NPLOC4: variants seen among roughly 807,000 people sequenced by gnomAD.
NPLOC4 encodes nuclear protein localization protein 4 homolog.
A neutral mutation model predicts 80.6 loss-of-function variants in NPLOC4; 18 were observed. The observed-to-expected ratio is 0.22, with a 90% CI of 0.15 to 0.33. The LOEUF is 0.33. Among genes scored for constraint, NPLOC4 ranks in the 10% least tolerant of loss-of-function variants. The probability of loss-of-function intolerance (pLI) is 1.00; values close to 1 mark genes in which losing one functional copy is unlikely to be tolerated. For missense variants in NPLOC4, 540 were observed against 786.1 expected (o/e 0.69, Z 3.74); for synonymous variants, 313 against 301.5 (o/e 1.04, Z -0.39).
At chr17:81,611,877 G>A (rs1418622541) in intron 4 of NPLOC4, among the ~76,000 whole-genome samples, 5 of 150,876 alleles carry the variant, frequency 3.3e-5, no homozygotes, top group East Asian at 2.0e-4. Context: ...GGAGAATGGC[G>A]TGAACCGGGG....
At chr17:81,595,428 A>G (rs1203292521) in intron 11 of NPLOC4, among the ~76,000 whole-genome samples, 1 of 96,300 alleles carries the variant, frequency 1.0e-5, no homozygotes, top group African/African-American at 4.5e-5. Flanking sequence ...TAAGACTGTC[A>G]AAAAAAAAAA....
chr17:81,559,101 T>G lies in NPLOC4; in HGVS notation c.*158A>C, dbSNP rs1310723514. 3.8e-6 allele frequency: 3 copies of G among 784,858 alleles called. No homozygotes were observed. The highest frequency in any genetic ancestry group is 5.9e-6 in the Non-Finnish European group (3 of 508,796). The allele number at this position is 784,858 out of a possible 1,614,324, so 48.6% of individuals were successfully genotyped here. ...GCCCGCTCTCCAGGGAGGAACGTGC[T>G]GAGAAGCTTCAGTGGGTCAGGGAGC... is the stretch of plus-strand genomic sequence containing the variant. On this transcript the variant is annotated 3_prime_UTR_variant, in exon 17 of 17. Transcript: ENST00000331134.
At chr17:81,579,332 C>T (rs1481440142) in intron 12 of NPLOC4, among the ~76,000 whole-genome samples, 3 of 152,182 alleles carry the variant, frequency 2.0e-5, no homozygotes, top group Non-Finnish European at 4.4e-5. Context: ...GAGCCAAGAT[C>T]GTGCCATTGC....
chr17:81,619,018 G>C (rs2035587424), intron 3 of NPLOC4, among the ~76,000 whole-genome samples: 1 of 151,976 alleles, frequency 6.6e-6, no homozygotes, highest in Admixed American at 6.6e-5. Flanking sequence ...TGCTGGTTAA[G>C]AGTCATCACC....
At chr17:81,635,794 T>C (rs6565612) in intron 1 of NPLOC4, among the ~76,000 whole-genome samples, 69,477 of 152,022 alleles carry the variant, frequency 0.46, 17,358 homozygotes, top group East Asian at 0.77. Context: ...CCAATACTGC[T>C]AAGCTTCCCC....
intron 2 of NPLOC4, among the ~76,000 whole-genome samples, chr17:81,628,067 C>T (rs1308272931): frequency 1.3e-5 from 2 of 151,062 alleles, no homozygotes; most frequent in Admixed American, 1.3e-4. Flanking sequence ...AAAAAATTAG[C>T]CAGGCATGGT....
chr17:81,565,386 C>T (rs1430221726), intron 16 of NPLOC4, 119 bp downstream of exon 16: 1 of 897,310 alleles, frequency 1.1e-6, no homozygotes, highest in Admixed American at 2.0e-5. Flanking sequence ...CCGATGGCAC[C>T]TGCCAGGATG....
intron 1 of NPLOC4, 119 bp from the exon 2 acceptor site, chr17:81,629,924 CT>C (rs2035887198): frequency 1.4e-6 from 1 of 718,294 alleles, no homozygotes; most frequent in Non-Finnish European, 2.5e-6. Context: ...CCAAACCTCA[CT>C]CTTCACCTTT....
chr17:81,615,100 CTTTTT>C (rs1555686152), intron 3 of NPLOC4, among the ~76,000 whole-genome samples: 1 of 133,578 alleles, frequency 7.5e-6, no homozygotes, highest in African/African-American at 2.9e-5. Flanking sequence ...ACGTCTGTTT[CTTTTT>C]TTTTTTTTTT....
At chr17:81,563,040 G>A (rs1198984985) in intron 16 of NPLOC4, 1 of 151,796 alleles carries the variant, frequency 6.6e-6, no homozygotes, top group African/African-American at 2.4e-5. Flanking sequence ...TTGAGCCTAG[G>A]AGTTTGAGAC....
chr17:81,565,431 TG>T, intron 16 of NPLOC4, 73 bp downstream of exon 16: 2 of 1,251,926 alleles, frequency 1.6e-6, no homozygotes, highest in Non-Finnish European at 2.3e-6. Flanking sequence ...CCACCGGCAG[TG>T]GGGAGCTGTG....
chr17:81,604,477 C>A (rs910566130), intron 8 of NPLOC4, 71 bp downstream of exon 8: 2 of 1,409,262 alleles, frequency 1.4e-6, no homozygotes, highest in Admixed American at 4.4e-5. Flanking sequence ...CAGGGCAAGG[C>A]CTCTCCGAAA....
At chr17:81,618,608 GCCGCCCGTCTGGGAGGTGAGGGGCGCCT>G (rs1259324393) in intron 3 of NPLOC4, among the ~76,000 whole-genome samples, 1 of 142,774 alleles carries the variant, frequency 7.0e-6, no homozygotes, top group Non-Finnish European at 1.5e-5. Flanking sequence ...CGCCCAGCCA[GCCGCCCGTCTGGGAGGTGAGGGGCGCCT>G]CTGCCCGGCC....
At chr17:81,569,949 C>T (rs1022303235) in intron 13 of NPLOC4, among the ~76,000 whole-genome samples, 1 of 152,246 alleles carries the variant, frequency 6.6e-6, no homozygotes, top group Non-Finnish European at 1.5e-5. Context: ...TTCTCTGCAA[C>T]ACAACAGCAG....
chr17:81,591,982 C>A (rs2034760285), intron 11 of NPLOC4, among the ~76,000 whole-genome samples: 2 of 152,216 alleles, frequency 1.3e-5, no homozygotes, highest in Non-Finnish European at 2.9e-5. Context: ...TGTCCTTCCA[C>A]AGGGACCCTC....
At chr17:81,586,843 T>C (rs1377225051) in intron 12 of NPLOC4, among the ~76,000 whole-genome samples, 4 of 152,172 alleles carry the variant, frequency 2.6e-5, no homozygotes, top group African/African-American at 7.2e-5. Flanking sequence ...GGATCAACAA[T>C]AGACGAAGTC....
chr17:81,592,801 T>A (rs1264614191), intron 11 of NPLOC4, among the ~76,000 whole-genome samples: 1 of 152,130 alleles, frequency 6.6e-6, no homozygotes. Context: ...CTGGCCAACA[T>A]GGTGAAACCC....
At chr17:81,586,659 T>C (rs538113685) in intron 12 of NPLOC4, among the ~76,000 whole-genome samples, 37 of 149,936 alleles carry the variant, frequency 2.5e-4, no homozygotes, top group African/African-American at 8.1e-4. Flanking sequence ...ATGGGATACC[T>C]ACATATTTAA....
chr17:81,593,938 C>A (rs970665655), intron 11 of NPLOC4, among the ~76,000 whole-genome samples: 2 of 151,808 alleles, frequency 1.3e-5, no homozygotes, highest in African/African-American at 2.4e-5. Flanking sequence ...AAATTCCCAA[C>A]CCTTCCCTTA....
Sources: allele counts gnomAD v4.1 joint callset (sites outside exome capture counted in the v4.1 genomes callset), GRCh38; gene constraint gnomAD v4.1.1; transcripts MANE v1.5; gene names NCBI Gene and HGNC (gene_info 2026-07-23, HGNC 2026-07-21).